Variants in TMIE observed in about 807,000 individuals in gnomAD.
TMIE encodes the protein transmembrane inner ear expressed protein.
TMIE carries 14 observed loss-of-function variants against 16.8 expected under a neutral mutation model. The observed-to-expected ratio is 0.83, with a 90% CI of 0.55 to 1.30. TMIE has a LOEUF of 1.30. TMIE is among the 50% of genes most tolerant of loss of function. The probability of loss-of-function intolerance (pLI) is 0.00; values close to 1 mark genes in which losing one functional copy is unlikely to be tolerated. For synonymous variants in TMIE, 75 were observed against 87.2 expected (o/e 0.86, Z 0.78); for missense variants, 204 against 205.9 (o/e 0.99, Z 0.06).
intron 1 of TMIE, among the ~76,000 whole-genome samples, chr3:46,704,440 G>GGT (rs2106779963): frequency 1.4e-5 from 2 of 147,958 alleles, no homozygotes; most frequent in Admixed American, 6.7e-5. Context: ...AGACACCCAG[G>GGT]GCAGGACCAT....
At chr3:46,702,656 GAC>G (rs1412294754) in intron 1 of TMIE, among the ~76,000 whole-genome samples, 1 of 152,082 alleles carries the variant, frequency 6.6e-6, no homozygotes, top group East Asian at 1.9e-4. Context: ...GGGGCTTGGG[GAC>G]AGTGTGGGAT....
Position 46,709,167 on chromosome 3 carries a change from A to G in TMIE, c.253A>G (p.Thr85Ala). Reference protein sequence around the residue: ...CCVFNCRVPRTRKEIEARYLQ... With the variant: ...CCVFNCRVPRARKEIEARYLQ... Reference sequence around the variant, plus strand: ...TGTCTTCAACTGTCGTGTGCCACGGACCCGGAAGGAGATCGAAGCCCGGTA... The same window carrying G: ...TGTCTTCAACTGTCGTGTGCCACGGGCCCGGAAGGAGATCGAAGCCCGGTA... The change falls in exon 3 of 4, where the codon ACC (threonine) becomes GCC (alanine). Residue 85 changes from threonine (T) to alanine (A), a missense_variant. By Grantham distance (58) the Thr-to-Ala change is moderately conservative. Transcript: ENST00000643606. The G allele has an allele frequency of 6.2e-7, 1 of 1,614,106 alleles. No homozygotes were observed. The highest frequency in any genetic ancestry group is 8.5e-7 in the Non-Finnish European group (1 of 1,180,026).
chr3:46,709,445 G>C (rs1559497230), intron 3 of TMIE, 134 bp from the exon 4 acceptor site: 3 of 1,604,620 alleles, frequency 1.9e-6, no homozygotes, highest in Non-Finnish European at 2.6e-6. Context: ...ATAGAACGAT[G>C]AGCCTATTCT....
intron 1 of TMIE, among the ~76,000 whole-genome samples, chr3:46,695,081 C>T (rs1206559635): frequency 2.0e-5 from 3 of 152,194 alleles, no homozygotes; most frequent in East Asian, 1.9e-4. Flanking sequence ...GCCCTCCACC[C>T]CCAGGCTCCG....
upstream of TMIE, chr3:46,701,329 G>A (rs1200817278): frequency 1.8e-6 from 1 of 542,942 alleles, no homozygotes; most frequent in South Asian, 2.7e-5. The surrounding 1 kb of genome is among the most constrained non-coding windows in gnomAD (Gnocchi z 4.3). Flanking sequence ...CGATGGCGGG[G>A]GCGGGCGGCG....
intron 2 of TMIE, 116 bp from the exon 3 acceptor site, chr3:46,709,010 G>C (rs910413397): frequency 2.0e-5 from 27 of 1,359,874 alleles, no homozygotes; most frequent in African/African-American, 1.7e-4. Flanking sequence ...CTCCTGCCAG[G>C]GTCTGGTGGG....
chr3:46,699,541 G>C (rs1700446156), upstream of TMIE, among the ~76,000 whole-genome samples: 1 of 152,176 alleles, frequency 6.6e-6, no homozygotes, highest in Non-Finnish European at 1.5e-5. Flanking sequence ...GAGTACTTGA[G>C]TTGGTTAAAA....
At chr3:46,696,851 T>C (rs528568949), upstream of TMIE, among the ~76,000 whole-genome samples, 1 of 152,298 alleles carries the variant, frequency 6.6e-6, no homozygotes, top group Non-Finnish European at 1.5e-5. Flanking sequence ...GAGGGGACAC[T>C]GTCTTCCAGG....
chr3:46,709,251 AAT>A lies in TMIE; in HGVS notation c.338_339del (p.Asn113ArgfsTer10). The A allele has an allele frequency of 6.2e-7, 1 of 1,614,032 alleles. No homozygotes were observed. Among genetic ancestry groups the A allele is most frequent in the Non-Finnish European group, 8.5e-7 (1 of 1,180,008 alleles). Reference protein sequence around the residue: ...TDKLETVPPLNELTEVPGEDK... With the variant: ...TDKLETVPPLXELTEVPGEDK... ...CAAGCTGGAGACTGTGCCACCCCTC[AAT>A]GAGCTCACAGAAGTCCCAGGAGGTG... On this transcript the variant is annotated frameshift_variant, in exon 3 of 4. Transcript: ENST00000643606. LOFTEE classifies it high-confidence loss of function.
At chr3:46,696,880 T>C (rs2106769215), upstream of TMIE, among the ~76,000 whole-genome samples, 1 of 152,236 alleles carries the variant, frequency 6.6e-6, no homozygotes, top group South Asian at 2.1e-4. Flanking sequence ...GTGGGGGACT[T>C]GGAGTCCAGA....
chr3:46,694,186 C>A (rs925136857), upstream of TMIE, among the ~76,000 whole-genome samples: 1 of 152,286 alleles, frequency 6.6e-6, no homozygotes, highest in African/African-American at 2.4e-5. Flanking sequence ...GCCCTGCGGC[C>A]CCCTGGGCTG....
Position 46,701,972 on chromosome 3 carries a change from C to T in TMIE, c.93+392C>T, listed in dbSNP as rs1040146098. ...GCACAGCCCTGGGTTTCCTGGACCT[C>T]TAGTCTGATGGAACAGACCCTGAAT... On this transcript the variant is annotated intron_variant, in intron 1 of 3. Transcript: ENST00000643606. This position sits in a 1 kb window ranked among gnomAD's most constrained non-coding sequence, Gnocchi z 4.3. Among the ~76,000 whole-genome samples, 4 of 152,096 alleles carry T rather than the reference C, an allele frequency of 2.6e-5. No homozygotes were observed. The highest frequency in any genetic ancestry group is 5.9e-5 in the Non-Finnish European group (4 of 68,004).
chr3:46,701,529 C>T lies in TMIE; in HGVS notation c.42C>T (p.Gly14=), dbSNP rs764988507. 32 of 1,307,378 alleles carry T rather than the reference C, an allele frequency of 2.4e-5. 1 individual carries two copies. In the South Asian group the frequency reaches 7.0e-4, roughly 29 times the overall value. 81.0% of individuals were successfully genotyped at this position (1,307,378 alleles called of 1,614,324 possible). ...WPGAGPLCVL[G]GAALGVCLAG... ...GCGCGGGTCCCCTCTGCGTGCTGGG[C>T]GGCGCCGCACTCGGGGTGTGCCTCG... Residue 14 remains glycine (G), a synonymous_variant, in exon 1 of 4, where the codon GGC becomes GGT. Coordinates refer to ENST00000643606, the MANE Select transcript of TMIE (RefSeq NM_147196.3). This position sits in a 1 kb window ranked among gnomAD's most constrained non-coding sequence, Gnocchi z 4.3.
chr3:46,709,798 G>A lies in TMIE; in HGVS notation c.*110G>A. 6.4e-7 allele frequency: 1 copy of A among 1,573,256 alleles called. No individual in the cohort carries two copies. Among genetic ancestry groups the A allele is most frequent in the Non-Finnish European group, 8.6e-7 (1 of 1,160,244 alleles). ...GGGGACCACAGAGGCTGTGGTCAGA[G>A]AGGGAAGCTGAGGCCCATGGCCACA... On this transcript the variant is annotated 3_prime_UTR_variant, in exon 4 of 4. Transcript: ENST00000643606.
rs1379912065 is a variant in TMIE, at chr3:46,701,502, G to T, written c.15G>T (p.Pro5=). Residue 5 remains proline (P), a synonymous_variant, in exon 1 of 4, where the codon CCG becomes CCT. Transcript: ENST00000643606. The surrounding 1 kb of genome is among the most constrained non-coding windows in gnomAD (Gnocchi z 4.3). MAGW[P]GAGPLCVLGG... The stretch of plus-strand genomic sequence containing the variant: ...GTGGCACGAAGATGGCGGGGTGGCC[G>T]GGCGCGGGTCCCCTCTGCGTGCTGG... The T allele has an allele frequency of 3.7e-6, 5 of 1,343,494 alleles. No individual in the cohort carries two copies. The highest frequency in any genetic ancestry group is 4.8e-6 in the Non-Finnish European group (5 of 1,051,428). The allele number at this position is 1,343,494 out of a possible 1,614,324, so 83.2% of individuals were successfully genotyped here.
chr3:46,709,170 C>G lies in TMIE; in HGVS notation c.256C>G (p.Arg86Gly), dbSNP rs765378305. 1 of 1,614,092 alleles carries G rather than the reference C, an allele frequency of 6.2e-7. No homozygotes were observed. ...CVFNCRVPRTRKEIEARYLQR... is the reference protein window; with the variant it reads ...CVFNCRVPRTGKEIEARYLQR... ...CTTCAACTGTCGTGTGCCACGGACC[C>G]GGAAGGAGATCGAAGCCCGGTACCT... Residue 86 changes from arginine (R) to glycine (G), a missense_variant, in exon 3 of 4, where the codon CGG becomes GGG. Transcript: ENST00000643606.
At chr3:46,707,718 G>A (rs576241201) in intron 2 of TMIE, among the ~76,000 whole-genome samples, 3 of 152,196 alleles carry the variant, frequency 2.0e-5, no homozygotes, top group Non-Finnish European at 2.9e-5. Context: ...GGCCTGAAGT[G>A]AGGGGTGGTG....
rs757944545 is a variant in TMIE at position 46,709,716 on chromosome 3, G to A, written c.*28G>A. Reference sequence around the variant, plus strand: ...ACATCCTGGGCAGCTTGGGCTGGCGGGCCCTGGAGCTCAAGCCGTGGCCGG... The same window carrying A: ...ACATCCTGGGCAGCTTGGGCTGGCGAGCCCTGGAGCTCAAGCCGTGGCCGG... On this transcript the variant is annotated 3_prime_UTR_variant, in exon 4 of 4. Transcript: ENST00000643606. The A allele has an allele frequency of 1.2e-6, 2 of 1,613,548 alleles. No individual in the cohort carries two copies. Among genetic ancestry groups the A allele is most frequent in the East Asian group, 2.2e-5 (1 of 44,852 alleles).
At chr3:46,704,480 T>TC (rs1324066055) in intron 1 of TMIE, among the ~76,000 whole-genome samples, 2 of 120,330 alleles carry the variant, frequency 1.7e-5, no homozygotes, top group African/African-American at 3.3e-5. Context: ...CAGGACCATG[T>TC]CCCTAGATGC....
Sources: gnomAD v4.1 joint callset for allele counts (sites outside exome capture counted in the v4.1 genomes callset) on GRCh38, gnomAD v4.1.1 for gene constraint, Gnocchi (gnomAD v3.1) non-coding constraint, MANE v1.5 for transcripts, NCBI Gene and HGNC (gene_info 2026-07-23, HGNC 2026-07-21) for gene names.